ZSCAN26: variants seen among roughly 807,000 people sequenced by gnomAD.
The protein encoded by ZSCAN26 is zinc finger and SCAN domain-containing protein 26.
In ZSCAN26, 26 loss-of-function variants were observed where a neutral mutation model predicts 23.0. That is an observed-to-expected ratio of 1.13 (90% confidence interval 0.83 to 1.57). The LOEUF (loss-of-function observed/expected upper bound fraction) is 1.57, where lower values mean the gene tolerates loss of function less well. ZSCAN26 is among the 40% of genes most tolerant of loss of function. The pLI is 0.00. For missense variants in ZSCAN26, 528 were observed against 568.5 expected (o/e 0.93, Z 0.72); for synonymous variants, 180 against 202.5 (o/e 0.89, Z 0.94).
chr6:28,272,059 A>G lies in ZSCAN26; in HGVS notation c.140A>G (p.Gln47Arg), dbSNP rs772386690. ...CAAGGAAACAGTAAAGGCCTTGGAC[A>G]GGAGCCATTGTGCAAACAATTCAGG... Reference protein sequence around the residue: ...KLQGNSKGLGQEPLCKQFRQL... With the variant: ...KLQGNSKGLGREPLCKQFRQL... The change falls in exon 2 of 4, where the codon CAG becomes CGG. Residue 47 changes from glutamine to arginine, a missense_variant. Coordinates refer to ENST00000421553, the MANE Select transcript of ZSCAN26 (RefSeq NM_001023560.4). The G allele has an allele frequency of 8.4e-6, 13 of 1,556,422 alleles. No homozygotes were observed. The highest frequency in any genetic ancestry group is 1.0e-5 in the Non-Finnish European group (12 of 1,149,632).
Position 28,276,685 on chromosome 6 carries a change from T to C in ZSCAN26, c.1029T>C (p.His343=), listed in dbSNP as rs1242316355. ...HTGEKPYLCI[H]CGKNFRRSSH... ...GAGAGAAACCTTATCTATGTATCCA[T>C]TGTGGAAAAAATTTTAGGCGCAGCT... The change falls in exon 4 of 4, where the codon CAT becomes CAC. Residue 343 remains histidine, a synonymous_variant. Transcript: ENST00000421553. 4 of 1,612,046 alleles carry C rather than the reference T, an allele frequency of 2.5e-6. No homozygotes were observed. Among genetic ancestry groups the C allele is most frequent in the South Asian group, 2.2e-5 (2 of 90,652 alleles).
rs771295041 is a variant in ZSCAN26, at chr6:28,272,691, C to CA, written c.448dup (p.Ile150AsnfsTer20). 1 of 1,609,666 alleles carries CA rather than the reference C, an allele frequency of 6.2e-7. No individual in the cohort carries two copies. The highest frequency in any genetic ancestry group is 8.5e-7 in the Non-Finnish European group (1 of 1,177,992). On this transcript the variant is annotated frameshift_variant, in exon 3 of 4. Transcript: ENST00000421553. LOFTEE classifies it high-confidence loss of function. ...CTAGGACCCAGACCAGCCAAAGAAA[C>CA]AAAAAATACTTGTGGAGGAGATGGC... is the stretch of plus-strand genomic sequence containing the variant.
intron 3 of ZSCAN26, among the ~76,000 whole-genome samples, chr6:28,273,343 A>G (rs1436550179): frequency 6.6e-6 from 1 of 152,118 alleles, no homozygotes; most frequent in Non-Finnish European, 1.5e-5. Context: ...GGAGTTCAAG[A>G]CCAGCCTGGC....
intron 1 of ZSCAN26, among the ~76,000 whole-genome samples, chr6:28,267,610 C>T (rs1040249554): frequency 1.3e-5 from 2 of 152,104 alleles, no homozygotes; most frequent in African/African-American, 4.8e-5. Flanking sequence ...TGAGGAATAA[C>T]GGGGAGACCA....
chr6:28,269,287 A>G (rs1167438111), intron 1 of ZSCAN26, among the ~76,000 whole-genome samples: 1 of 152,184 alleles, frequency 6.6e-6, no homozygotes, highest in Non-Finnish European at 1.5e-5. Context: ...ATACAGGTAT[A>G]TATAAAAAAT....
intron 3 of ZSCAN26, among the ~76,000 whole-genome samples, chr6:28,273,186 G>T (rs1221776702): frequency 6.6e-6 from 1 of 152,134 alleles, no homozygotes; most frequent in Non-Finnish European, 1.5e-5. Flanking sequence ...CTTGAGCCCA[G>T]TTCAAGGCTG....
intron 3 of ZSCAN26, among the ~76,000 whole-genome samples, chr6:28,275,773 A>G (rs562112486): frequency 6.6e-6 from 1 of 152,328 alleles, no homozygotes; most frequent in East Asian, 1.9e-4. Flanking sequence ...TGGGCACCAC[A>G]TCTACATTTC....
In ZSCAN26 at chr6:28,276,358, C is replaced by T. The variant is rs1328173425; in HGVS notation, c.702C>T (p.Cys234=). The change falls in exon 4 of 4, where the codon TGC becomes TGT. Residue 234 remains cysteine, a synonymous_variant. Coordinates refer to ENST00000421553, the MANE Select transcript of ZSCAN26 (RefSeq NM_001023560.4). The part of the protein sequence containing the change: ...AKPKEKIEYK[C]SEREQRFIQH... The stretch of plus-strand genomic sequence containing the variant: ...CCAAAGAGAAGATTGAGTATAAATG[C>T]TCAGAACGTGAGCAGAGATTCATCC... 1 of 1,613,960 alleles carries T rather than the reference C, an allele frequency of 6.2e-7. No individual in the cohort carries two copies. Among genetic ancestry groups the T allele is most frequent in the East Asian group, 2.2e-5 (1 of 44,880 alleles).
chr6:28,271,619 G>A (rs1391278661), intron 1 of ZSCAN26, among the ~76,000 whole-genome samples: 1 of 152,158 alleles, frequency 6.6e-6, no homozygotes, highest in Non-Finnish European at 1.5e-5. Context: ...GTAAGCCACA[G>A]TGCCTAGCCT....
Position 28,276,343 on chromosome 6 carries a change from G to C in ZSCAN26, c.687G>C (p.Lys229Asn). ...GGCATCAGGCCAAGCCCAAAGAGAA[G>C]ATTGAGTATAAATGCTCAGAACGTG... Reference protein sequence around the residue: ...LERHQAKPKEKIEYKCSEREQ... With the variant: ...LERHQAKPKENIEYKCSEREQ... Residue 229 changes from lysine to asparagine, a missense_variant, in exon 4 of 4, where the codon AAG becomes AAC. Coordinates refer to ENST00000421553, the MANE Select transcript of ZSCAN26 (RefSeq NM_001023560.4). The C allele has an allele frequency of 6.2e-7, 1 of 1,614,026 alleles. No individual in the cohort carries two copies. The highest frequency in any genetic ancestry group is 8.5e-7 in the Non-Finnish European group (1 of 1,179,880).
chr6:28,269,884 G>A (rs1284503107), intron 1 of ZSCAN26, among the ~76,000 whole-genome samples: 2 of 152,136 alleles, frequency 1.3e-5, no homozygotes, highest in Non-Finnish European at 2.9e-5. Context: ...GCACCCTGTG[G>A]CCAGTTAAGT....
At position 28,275,398 on chromosome 6, in the gene ZSCAN26, A is replaced by G. The variant is rs146407472; in HGVS notation, c.539-797A>G. 7.0e-3 allele frequency among the ~76,000 whole-genome samples: 1,072 copies of G among 152,218 alleles called. 14 individuals are homozygous for G. The highest frequency in any genetic ancestry group is 0.024 in the African/African-American group (983 of 41,518). On this transcript the variant is annotated intron_variant, in intron 3 of 3. Transcript: ENST00000421553. ...GTTTTCTCTATTTTCATTTAATTTCACCCTTAGGACACAGGCCATTTATTT... is the reference window on the plus strand; with the variant it reads ...GTTTTCTCTATTTTCATTTAATTTCGCCCTTAGGACACAGGCCATTTATTT...
Position 28,277,925 on chromosome 6 carries a change from T to G in ZSCAN26, c.*829T>G, listed in dbSNP as rs989048968. The G allele has an allele frequency of 6.6e-6, 1 of 152,212 alleles. No individual in the cohort carries two copies. Among genetic ancestry groups the G allele is most frequent in the Non-Finnish European group, 1.5e-5 (1 of 68,038 alleles). 9.4% of individuals were successfully genotyped at this position (152,212 alleles called of 1,614,324 possible). On this transcript the variant is annotated 3_prime_UTR_variant, in exon 4 of 4. Transcript: ENST00000421553. ...TCAGTAAATGTCTGATGAAAGAAATTGGACTTTTTCCCTTTAATACTGATG... is the reference window on the plus strand; with the variant it reads ...TCAGTAAATGTCTGATGAAAGAAATGGGACTTTTTCCCTTTAATACTGATG...
intron 1 of ZSCAN26, among the ~76,000 whole-genome samples, chr6:28,269,123 A>T (rs928742555): frequency 2.0e-5 from 3 of 152,008 alleles, no homozygotes; most frequent in African/African-American, 7.3e-5. Flanking sequence ...AAAGAAAAAA[A>T]AAAAACACAT....
chr6:28,267,690 G>A (rs73742509), intron 1 of ZSCAN26, among the ~76,000 whole-genome samples: 9,520 of 152,194 alleles, frequency 0.063, 302 homozygotes, highest in South Asian at 0.11. Flanking sequence ...GGTATGGAGA[G>A]GAAGAGTGTA....
chr6:28,277,538 C>G lies in ZSCAN26; in HGVS notation c.*442C>G, dbSNP rs938975165. 1.2e-5 allele frequency: 2 copies of G among 162,332 alleles called. No homozygotes were observed. Among genetic ancestry groups the G allele is most frequent in the Non-Finnish European group, 2.7e-5 (2 of 74,132 alleles). The allele number at this position is 162,332 out of a possible 1,614,324, so 10.1% of individuals were successfully genotyped here. Reference sequence around the variant, plus strand: ...ACTGATGATGTTTGGAAGTATACTACTCTCAAAGGTGTCTTTAAAGTACAG... The same window carrying G: ...ACTGATGATGTTTGGAAGTATACTAGTCTCAAAGGTGTCTTTAAAGTACAG... On this transcript the variant is annotated 3_prime_UTR_variant, in exon 4 of 4. Coordinates refer to ENST00000421553, the MANE Select transcript of ZSCAN26 (RefSeq NM_001023560.4).
intron 1 of ZSCAN26, among the ~76,000 whole-genome samples, chr6:28,270,435 C>G (rs1761634356): frequency 6.6e-6 from 1 of 152,092 alleles, no homozygotes. Context: ...TAGTCAAAAT[C>G]AAGAATGCTA....
intron 3 of ZSCAN26, among the ~76,000 whole-genome samples, chr6:28,273,551 C>CAA (rs1220702464): frequency 1.9e-4 from 26 of 138,392 alleles, no homozygotes; most frequent in African/African-American, 7.1e-4. Flanking sequence ...AAAAAACAAA[C>CAA]AAACAAAAAA....
chr6:28,268,060 A>G (rs1204396907), intron 1 of ZSCAN26, among the ~76,000 whole-genome samples: 1 of 152,116 alleles, frequency 6.6e-6, no homozygotes, highest in African/African-American at 2.4e-5. Flanking sequence ...GGTGCAAGAG[A>G]TACTGGAGAA....
Sources: allele counts gnomAD v4.1 joint callset (sites outside exome capture counted in the v4.1 genomes callset), GRCh38; gene constraint gnomAD v4.1.1; transcripts MANE v1.5; gene names NCBI Gene and HGNC (gene_info 2026-07-23, HGNC 2026-07-21).